Variants in RGL1 observed in about 807,000 individuals in gnomAD.
The protein encoded by RGL1 is ral guanine nucleotide dissociation stimulator like 1.
In RGL1, 24 loss-of-function variants were observed where a neutral mutation model predicts 95.2. The observed-to-expected ratio is 0.25, with a 90% CI of 0.18 to 0.35. The LOEUF (loss-of-function observed/expected upper bound fraction) is 0.35, where lower values mean the gene tolerates loss of function less well. Among genes scored for constraint, RGL1 ranks in the 10% least tolerant of loss-of-function variants. RGL1 has a pLI of 1.00. For synonymous variants in RGL1, 329 were observed against 344.9 expected, an observed-to-expected ratio of 0.95 and a Z score of 0.51; for missense variants, 715 against 936.3, an observed-to-expected ratio of 0.76 and a Z score of 3.08.
At chr1:183,772,362 A>G (rs1368557457) in intron 2 of RGL1, among the ~76,000 whole-genome samples, 2 of 152,234 alleles carry the variant, frequency 1.3e-5, no homozygotes, top group Non-Finnish European at 2.9e-5. Context: ...GCAGCAGGAC[A>G]CTGAAGAAGC....
At chr1:183,916,830 A>G in intron 16 of RGL1, 129 bp downstream of exon 16, 1 of 1,055,532 alleles carries the variant, frequency 9.5e-7, no homozygotes, top group South Asian at 1.6e-5. Flanking sequence ...GCATTCACAC[A>G]GAAGGGATGT....
intron 1 of RGL1, among the ~76,000 whole-genome samples, chr1:183,674,669 C>G (rs112805959): frequency 4.6e-5 from 7 of 152,272 alleles, no homozygotes; most frequent in African/African-American, 7.2e-5. Context: ...GTGGAGTTAG[C>G]ATTTGGTTAT....
chr1:183,914,014 T>C (rs1668818665), intron 15 of RGL1, among the ~76,000 whole-genome samples: 1 of 152,224 alleles, frequency 6.6e-6, no homozygotes, highest in Non-Finnish European at 1.5e-5. Context: ...TGACTTGACA[T>C]ACAAATTAGC....
intron 1 of RGL1, among the ~76,000 whole-genome samples, chr1:183,668,935 C>CTT (rs551008973): frequency 0.061 from 7,059 of 115,352 alleles, 823 homozygotes; most frequent in African/African-American, 0.13. Context: ...ATTGGACTTT[C>CTT]TTTTCTTTTT....
rs1035276552 is a variant in RGL1, at chr1:183,831,876, G to T, written c.139-15690G>T. On this transcript the variant is annotated intron_variant, in intron 2 of 17. Transcript: ENST00000360851. Reference sequence around the variant, plus strand: ...ATTAAATAAATACAACCTAATATGGGAAGTATATGGCTACTATGAATAAAA... The same window carrying T: ...ATTAAATAAATACAACCTAATATGGTAAGTATATGGCTACTATGAATAAAA... Among the ~76,000 whole-genome samples, 4 of 152,260 alleles carry T rather than the reference G, an allele frequency of 2.6e-5. No individual in the cohort carries two copies. The East Asian group carries it at 7.7e-4, about 29-fold the overall frequency.
intron 6 of RGL1, 141 bp from the exon 7 acceptor site, chr1:183,884,582 A>G (rs1221820848): frequency 6.0e-6 from 4 of 669,036 alleles, no homozygotes; most frequent in African/African-American, 1.8e-5. Flanking sequence ...GTCTGTTGAA[A>G]TGGACACCAT....
At chr1:183,785,440 C>T (rs1450712973) in intron 2 of RGL1, among the ~76,000 whole-genome samples, 1 of 152,134 alleles carries the variant, frequency 6.6e-6, no homozygotes, top group African/African-American at 2.4e-5. Flanking sequence ...TTAGGTGCTT[C>T]TCCTTGATGC....
rs1339013799 is a variant in RGL1, at chr1:183,927,929, G to T, written c.*1637G>T. ...ACCAGGGAAAGTTTAGAGATTTGCG[G>T]CAATGGACCGAAGAACGGGCCAGGA... On this transcript the variant is annotated 3_prime_UTR_variant, in exon 18 of 18. Transcript: ENST00000360851. 1 of 152,536 alleles carries T rather than the reference G, an allele frequency of 6.6e-6. No homozygotes were observed. Among genetic ancestry groups the T allele is most frequent in the Non-Finnish European group, 1.5e-5 (1 of 68,020 alleles). 9.4% of individuals were successfully genotyped at this position (152,536 alleles called of 1,614,324 possible).
At chr1:183,806,526 T>C in intron 2 of RGL1, 41 bp downstream of exon 2, 3 of 1,347,170 alleles carry the variant, frequency 2.2e-6, no homozygotes, top group East Asian at 2.3e-5. Flanking sequence ...GGAATTTCAG[T>C]GTCTGTCGTT....
upstream of RGL1, among the ~76,000 whole-genome samples, chr1:183,801,277 T>G (rs557872735): frequency 5.3e-5 from 8 of 152,296 alleles, no homozygotes; most frequent in South Asian, 1.7e-3. Context: ...TTCTCATATA[T>G]GTGTTGGTCG....
At chr1:183,891,573 A>AATTCTC (rs1485187336) in intron 8 of RGL1, among the ~76,000 whole-genome samples, 1 of 152,122 alleles carries the variant, frequency 6.6e-6, no homozygotes, top group African/African-American at 2.4e-5. Context: ...GGGAGTAGAA[A>AATTCTC]TAGTGGCCTG....
At chr1:183,768,236 A>G (rs1659086190) in intron 2 of RGL1, among the ~76,000 whole-genome samples, 1 of 151,510 alleles carries the variant, frequency 6.6e-6, no homozygotes, top group African/African-American at 2.4e-5. Flanking sequence ...AATTCTCTTT[A>G]TTTTTAAATA....
At chr1:183,744,680 C>T (rs1049038688) in intron 2 of RGL1, among the ~76,000 whole-genome samples, 1 of 152,116 alleles carries the variant, frequency 6.6e-6, no homozygotes, top group Non-Finnish European at 1.5e-5. Context: ...TACTGTACAT[C>T]TACTTCTACA....
chr1:183,727,114 A>C (rs1207831665), intron 1 of RGL1, among the ~76,000 whole-genome samples: 6 of 152,184 alleles, frequency 3.9e-5, no homozygotes, highest in Non-Finnish European at 7.4e-5. Flanking sequence ...TCTTCAACAA[A>C]AGATGTGCAA....
At chr1:183,713,235 G>T (rs934629987) in intron 1 of RGL1, among the ~76,000 whole-genome samples, 1 of 151,710 alleles carries the variant, frequency 6.6e-6, no homozygotes, top group African/African-American at 2.4e-5. Flanking sequence ...CATGTTGGCC[G>T]GGCTGGTCTC....
At chr1:183,823,909 C>T (rs1013441944) in intron 2 of RGL1, among the ~76,000 whole-genome samples, 2 of 152,136 alleles carry the variant, frequency 1.3e-5, no homozygotes, top group Non-Finnish European at 2.9e-5. Flanking sequence ...GTCTCAGCCT[C>T]CTGGATGGCT....
chr1:183,809,032 T>G (rs184662846), intron 2 of RGL1, among the ~76,000 whole-genome samples: 22 of 152,330 alleles, frequency 1.4e-4, no homozygotes, highest in Non-Finnish European at 2.8e-4. Context: ...AATGATAACT[T>G]GAGCTGCAAA....
chr1:183,681,809 G>T (rs1015451282), intron 1 of RGL1, among the ~76,000 whole-genome samples: 7 of 151,998 alleles, frequency 4.6e-5, no homozygotes, highest in South Asian at 4.2e-4. Context: ...TGGTCCTGGG[G>T]TTTTTTTGGT....
chr1:183,655,997 C>T (rs1651128697), intron 1 of RGL1, among the ~76,000 whole-genome samples: 1 of 152,106 alleles, frequency 6.6e-6, no homozygotes, highest in South Asian at 2.1e-4. Flanking sequence ...GTACACTAGG[C>T]CCCAGCCGAC....
Sources: gnomAD v4.1 joint callset for allele counts (sites outside exome capture counted in the v4.1 genomes callset) on GRCh38, gnomAD v4.1.1 for gene constraint, MANE v1.5 for transcripts, NCBI Gene and HGNC (gene_info 2026-07-23, HGNC 2026-07-21) for gene names.